The following PRDM5 variants were observed in gnomAD, a reference collection of about 807,000 sequenced individuals.
PRDM5 encodes the protein PR/SET domain 5.
A neutral mutation model predicts 81.2 loss-of-function variants in PRDM5; 56 were observed. That is an observed-to-expected ratio of 0.69 (90% CI 0.56 to 0.86). The LOEUF (loss-of-function observed/expected upper bound fraction) is 0.86, where lower values mean the gene tolerates loss of function less well. PRDM5 is among the 40% of genes least tolerant of loss of function. PRDM5 has a pLI of 0.00. For missense variants in PRDM5, 697 were observed against 770.1 expected (o/e 0.91, Z 1.12); for synonymous variants, 267 against 256.4 (o/e 1.04, Z -0.39).
chr4:120,919,270 C>T (rs916674622), intron 1 of PRDM5, among the ~76,000 whole-genome samples: 1 of 152,150 alleles, frequency 6.6e-6, no homozygotes, highest in East Asian at 1.9e-4. Context: ...TGCTGCCTAT[C>T]TCCCCACATA....
At chr4:120,766,056 T>C (rs548719378) in intron 13 of PRDM5, among the ~76,000 whole-genome samples, 35 of 151,530 alleles carry the variant, frequency 2.3e-4, no homozygotes, top group African/African-American at 8.2e-4. Flanking sequence ...ACCACCTGGG[T>C]TCAAGCGATT....
At chr4:120,739,988 G>T (rs1014714082) in intron 14 of PRDM5, among the ~76,000 whole-genome samples, 1 of 152,078 alleles carries the variant, frequency 6.6e-6, no homozygotes, top group African/African-American at 2.4e-5. Context: ...AAAGGAAAGT[G>T]ATTTTTCAAG....
intron 1 of PRDM5, 28 bp downstream of exon 1, chr4:120,922,488 G>A: frequency 1.3e-6 from 2 of 1,577,612 alleles, no homozygotes; most frequent in Non-Finnish European, 1.7e-6. Context: ...AGGTGCAGGG[G>A]CGCGCAGGCC....
At chr4:120,764,933 A>G (rs1224528967) in intron 13 of PRDM5, among the ~76,000 whole-genome samples, 2 of 152,152 alleles carry the variant, frequency 1.3e-5, no homozygotes, top group African/African-American at 2.4e-5. Context: ...TTCTTATTAA[A>G]AATGTGCTAA....
At chr4:120,865,166 T>C (rs1761063663) in intron 2 of PRDM5, among the ~76,000 whole-genome samples, 1 of 152,182 alleles carries the variant, frequency 6.6e-6, no homozygotes, top group Admixed American at 6.5e-5. Context: ...CGGGAACCTT[T>C]CAAGAAAGGA....
At chr4:120,724,189 G>T (rs1487235768) in intron 14 of PRDM5, among the ~76,000 whole-genome samples, 1 of 152,080 alleles carries the variant, frequency 6.6e-6, no homozygotes, top group East Asian at 1.9e-4. Context: ...ATGATTAGAT[G>T]ATGTCATTGA....
chr4:120,723,923 A>ATTTTTTTTTTTTTTT (rs70948360), intron 14 of PRDM5, among the ~76,000 whole-genome samples: 6 of 81,256 alleles, frequency 7.4e-5, no homozygotes, highest in African/African-American at 3.1e-4. Context: ...GATAGCTTGA[A>ATTTTTTTTTTTTTTT]TTTTTTTTTT....
At chr4:120,702,687 A>C (rs1446251170) in intron 15 of PRDM5, among the ~76,000 whole-genome samples, 1 of 152,242 alleles carries the variant, frequency 6.6e-6, no homozygotes, top group Non-Finnish European at 1.5e-5. Flanking sequence ...AATCCTGGAG[A>C]AATTGAAGAA....
At chr4:120,740,857 C>T (rs189618266) in intron 14 of PRDM5, among the ~76,000 whole-genome samples, 2 of 152,320 alleles carry the variant, frequency 1.3e-5, no homozygotes, top group Non-Finnish European at 2.9e-5. Context: ...AATGTTTTCA[C>T]AATTCATACC....
chr4:120,798,260 G>C lies in PRDM5; in HGVS notation c.1188+7C>G, dbSNP rs1751612673. 2 of 1,542,270 alleles carry C rather than the reference G, an allele frequency of 1.3e-6. No individual in the cohort carries two copies. Among genetic ancestry groups the C allele is most frequent in the Non-Finnish European group, 1.8e-6 (2 of 1,138,930 alleles). ...TAAAAAATAATAATAATATTAATAA[G>C]TTTTACCTTCTTATGATTCTTGTAA... is the stretch of plus-strand genomic sequence containing the variant. On this transcript the variant is annotated splice_region_variant and intron_variant, in intron 10 of 15. Transcript: ENST00000264808.
chr4:120,794,514 A>AACACACACAC (rs70948364), intron 10 of PRDM5, among the ~76,000 whole-genome samples: 5 of 143,614 alleles, frequency 3.5e-5, no homozygotes, highest in Admixed American at 7.0e-5. Context: ...TCCAAAATCT[A>AACACACACAC]ACACACACAC....
chr4:120,885,134 CAAA>C (rs60623556), intron 2 of PRDM5, among the ~76,000 whole-genome samples: 1 of 50,706 alleles, frequency 2.0e-5, no homozygotes, highest in Non-Finnish European at 4.1e-5. Flanking sequence ...GACTCCGTAT[CAAA>C]AAAAAAAAAA....
At chr4:120,840,029 G>A (rs982241084) in intron 3 of PRDM5, among the ~76,000 whole-genome samples, 1 of 152,194 alleles carries the variant, frequency 6.6e-6, no homozygotes, top group Non-Finnish European at 1.5e-5. Context: ...CCAGGGAGCG[G>A]GAGCAGGCAT....
chr4:120,770,909 T>C (rs1267421177), intron 13 of PRDM5, among the ~76,000 whole-genome samples: 3 of 139,152 alleles, frequency 2.2e-5, no homozygotes, highest in East Asian at 4.5e-4. Flanking sequence ...ACCAAACATA[T>C]TTATAACATA....
intron 2 of PRDM5, among the ~76,000 whole-genome samples, chr4:120,902,749 A>C (rs188806967): frequency 2.0e-5 from 3 of 152,364 alleles, no homozygotes; most frequent in Non-Finnish European, 4.4e-5. Context: ...TCAGAGACCA[A>C]GCTCAAAACC....
At chr4:120,807,012 C>A (rs1316591174) in intron 8 of PRDM5, among the ~76,000 whole-genome samples, 2 of 152,050 alleles carry the variant, frequency 1.3e-5, no homozygotes, top group African/African-American at 4.8e-5. Flanking sequence ...AGAAAAAAAA[C>A]AAACAACCCC....
At chr4:120,820,512 G>A (rs1196097406) in intron 4 of PRDM5, among the ~76,000 whole-genome samples, 1 of 152,066 alleles carries the variant, frequency 6.6e-6, no homozygotes, top group African/African-American at 2.4e-5. Flanking sequence ...ATAGAAACAA[G>A]GCCAATAATA....
At chr4:120,818,669 A>T in intron 4 of PRDM5, 142 bp from the exon 5 acceptor site, 3 of 721,786 alleles carry the variant, frequency 4.2e-6, no homozygotes, top group Non-Finnish European at 7.0e-6. Flanking sequence ...TATAAATATT[A>T]ATAGTATTTG....
At chr4:120,907,108 G>A (rs1765889175) in intron 2 of PRDM5, among the ~76,000 whole-genome samples, 1 of 151,886 alleles carries the variant, frequency 6.6e-6, no homozygotes, top group South Asian at 2.1e-4. Flanking sequence ...GCCGAGACGG[G>A]TAGATCACCT....
Sources: gnomAD v4.1 joint callset for allele counts (sites outside exome capture counted in the v4.1 genomes callset) on GRCh38, gnomAD v4.1.1 for gene constraint, MANE v1.5 for transcripts, NCBI Gene and HGNC (gene_info 2026-07-23, HGNC 2026-07-21) for gene names.